FALEC: variants seen among roughly 807,000 people sequenced by gnomAD.
FALEC encodes focally amplified lncRNA regulator of ECM1.
At chr1:150,535,305 G>A in the FALEC span, among the ~76,000 whole-genome samples, 14 of 152,028 alleles carry the variant, frequency 9.2e-5, no homozygotes, top group Non-Finnish European at 1.9e-4. Context: ...GTGCGGTGGC[G>A]CAATCTCAGC....
At chr1:150,535,246 A>AT in the FALEC span, among the ~76,000 whole-genome samples, 31 of 151,414 alleles carry the variant, frequency 2.0e-4, no homozygotes, top group Non-Finnish European at 2.9e-4. Context: ...TTCTAACTTG[A>AT]TTTTTTTTTC....
At chr1:150,521,017 T>C (rs1670635577), downstream of FALEC, among the ~76,000 whole-genome samples, 1 of 152,064 alleles carries the variant, frequency 6.6e-6, no homozygotes, top group Admixed American at 6.6e-5. Context: ...GTCAAGCTGG[T>C]CTCGAACTCC....
chr1:150,534,840 CA>C, the FALEC span, among the ~76,000 whole-genome samples: 56,329 of 120,976 alleles, frequency 0.47, 11,747 homozygotes, highest in Middle Eastern at 0.52. Flanking sequence ...GACTCTGTCT[CA>C]AAAAAAAAAA....
the FALEC span, among the ~76,000 whole-genome samples, chr1:150,533,102 G>T: frequency 2.6e-5 from 4 of 152,266 alleles, no homozygotes; most frequent in African/African-American, 9.6e-5. Context: ...GCTCACGCCT[G>T]GCCAGGCATG....
At chr1:150,532,884 A>G in the FALEC span, among the ~76,000 whole-genome samples, 1 of 152,240 alleles carries the variant, frequency 6.6e-6, no homozygotes, top group South Asian at 2.1e-4. Context: ...CCCCTTTCTA[A>G]TGCTGCTTCT....
chr1:150,530,816 A>ATCC, the FALEC span, among the ~76,000 whole-genome samples: 2 of 152,170 alleles, frequency 1.3e-5, no homozygotes, highest in African/African-American at 4.8e-5. Context: ...ATCTATAGAT[A>ATCC]TCCAGCTTTT....
downstream of FALEC, among the ~76,000 whole-genome samples, chr1:150,522,851 CTATA>C (rs1235546445): frequency 4.6e-5 from 4 of 87,712 alleles, 1 homozygote; most frequent in South Asian, 1.1e-3. Context: ...CTCTCTCTCT[CTATA>C]TATATATATA....
chr1:150,526,169 T>A, the FALEC span, among the ~76,000 whole-genome samples: 1 of 151,732 alleles, frequency 6.6e-6, no homozygotes, highest in Non-Finnish European at 1.5e-5. Context: ...AAGACCACGG[T>A]GAAACCCCGT....
chr1:150,528,600 G>C, the FALEC span, among the ~76,000 whole-genome samples: 28 of 106,696 alleles, frequency 2.6e-4, no homozygotes, highest in African/African-American at 9.9e-4. Context: ...TTTTTTTTTT[G>C]AGATGGAGTC....
the FALEC span, among the ~76,000 whole-genome samples, chr1:150,523,052 A>AT: frequency 8.0e-6 from 1 of 125,760 alleles, no homozygotes; most frequent in Non-Finnish European, 1.6e-5. Flanking sequence ...CAGTGGCATG[A>AT]TTTTGGCTCA....
At chr1:150,534,087 GC>G in the FALEC span, among the ~76,000 whole-genome samples, 1 of 152,204 alleles carries the variant, frequency 6.6e-6, no homozygotes, top group Non-Finnish European at 1.5e-5. Context: ...AGCCTTCTGG[GC>G]CAGGGTGGGG....
chr1:150,515,985 G>A, exon 1 of FALEC: 1 of 152,492 alleles, frequency 6.6e-6, no homozygotes, highest in Non-Finnish European at 1.5e-5. Flanking sequence ...GGTGGCTCAT[G>A]CCTGGAATCC....
At chr1:150,529,268 G>A in the FALEC span, among the ~76,000 whole-genome samples, 2,583 of 152,292 alleles carry the variant, frequency 0.017, 75 homozygotes, top group African/African-American at 0.057. Flanking sequence ...GAAACCATAC[G>A]TGTGCATTGG....
intron 1 of FALEC, among the ~76,000 whole-genome samples, chr1:150,516,347 G>C (rs1468178103): frequency 6.6e-6 from 1 of 152,240 alleles, no homozygotes; most frequent in African/African-American, 2.4e-5. Context: ...GCTGCAGAGA[G>C]GTGGGAGTCA....
intron 1 of FALEC, among the ~76,000 whole-genome samples, chr1:150,517,156 G>T (rs1670578770): frequency 6.6e-6 from 1 of 152,068 alleles, no homozygotes. Context: ...AATTAGCCAG[G>T]CATGATGGCG....
chr1:150,528,109 A>C, the FALEC span, among the ~76,000 whole-genome samples: 1 of 152,102 alleles, frequency 6.6e-6, no homozygotes, highest in African/African-American at 2.4e-5. Flanking sequence ...GTTTCACCAA[A>C]AAGACACAAG....
downstream of FALEC, among the ~76,000 whole-genome samples, chr1:150,521,765 C>T (rs587710146): frequency 6.6e-6 from 1 of 152,142 alleles, no homozygotes; most frequent in Non-Finnish European, 1.5e-5. Flanking sequence ...ATTTATGGAC[C>T]TTCCATTCTA....
the FALEC span, among the ~76,000 whole-genome samples, chr1:150,528,841 C>A: frequency 6.6e-6 from 1 of 151,650 alleles, no homozygotes; most frequent in African/African-American, 2.4e-5. Context: ...TCTGCTTCGG[C>A]CTCCCAAAGT....
the FALEC span, among the ~76,000 whole-genome samples, chr1:150,527,316 T>C: frequency 6.6e-6 from 1 of 151,494 alleles, no homozygotes; most frequent in Non-Finnish European, 1.5e-5. Context: ...TGGAGTGCAG[T>C]GGTATGATCT....
Sources: gnomAD v4.1 joint callset for allele counts (sites outside exome capture counted in the v4.1 genomes callset) on GRCh38, gnomAD v4.1.1 for gene constraint, MANE v1.5 for transcripts, NCBI Gene and HGNC (gene_info 2026-07-23, HGNC 2026-07-21) for gene names.